LHFPL4: variants seen among roughly 807,000 people sequenced by gnomAD.
LHFPL4 encodes LHFPL tetraspan subfamily member 4.
A neutral mutation model predicts 20.0 loss-of-function variants in LHFPL4; 6 were observed. The observed-to-expected ratio is 0.30, with a 90% CI of 0.16 to 0.59. The LOEUF is 0.59. Among genes scored for constraint, LHFPL4 ranks in the 20% least tolerant of loss-of-function variants. LHFPL4 has a pLI of 0.88. For synonymous variants in LHFPL4, 129 were observed against 143.8 expected (o/e 0.90, Z 0.74); for missense variants, 215 against 331.2 (o/e 0.65, Z 2.72).
chr3:9,509,864 C>T (rs1339065117), intron 2 of LHFPL4, among the ~76,000 whole-genome samples: 2 of 152,216 alleles, frequency 1.3e-5, no homozygotes, highest in African/African-American at 4.8e-5. Flanking sequence ...GGAATGACTG[C>T]AGATAAGGCA....
chr3:9,552,375 G>T lies in LHFPL4; in HGVS notation c.305C>A (p.Ser102Tyr). Residue 102 changes from serine to tyrosine, a missense_variant, in exon 2 of 4, where the codon TCC becomes TAC. Ser to Tyr is a moderately radical substitution (Grantham distance 144). Around this residue, in one of 2 missense-constraint regions of LHFPL4, gnomAD observed 164 missense variants for 286.7 expected, o/e 0.57. Coordinates refer to ENST00000287585, the MANE Select transcript of LHFPL4 (RefSeq NM_198560.3). The stretch of plus-strand genomic sequence containing the variant: ...GATGCAGCCGAGGATCAGCACCATG[G>T]AGAGCAGCACGAAGAAGGCGGCCGC... ...FKAAAFFVLL[S>Y]MVLILGCITC... The T allele has an allele frequency of 6.2e-7, 1 of 1,614,012 alleles. No individual in the cohort carries two copies.
chr3:9,525,233 G>C (rs2046365659), intron 2 of LHFPL4, among the ~76,000 whole-genome samples: 1 of 152,200 alleles, frequency 6.6e-6, no homozygotes, highest in African/African-American at 2.4e-5. Context: ...GCTTCAGGAA[G>C]TAAAACTTAC....
At chr3:9,547,654 A>T (rs2046523959) in intron 2 of LHFPL4, among the ~76,000 whole-genome samples, 8 of 152,218 alleles carry the variant, frequency 5.3e-5, no homozygotes, top group Admixed American at 3.9e-4. Flanking sequence ...GTAAATGGGA[A>T]CAACCGGGTA....
Position 9,506,560 on chromosome 3 carries a change from T to C in LHFPL4, c.407-357A>G, listed in dbSNP as rs765113738. ...CCAACTCCCTCTCCCATCTCTCCCA[T>C]CCTCATTATTATTATTATTGTTGTC... is the stretch of plus-strand genomic sequence containing the variant. On this transcript the variant is annotated intron_variant, in intron 2 of 3. Coordinates refer to ENST00000287585, the MANE Select transcript of LHFPL4 (RefSeq NM_198560.3). This position sits in a 1 kb window ranked among gnomAD's most constrained non-coding sequence, Gnocchi z 4.5. 2.0e-5 allele frequency among the ~76,000 whole-genome samples: 3 copies of C among 152,084 alleles called. No individual in the cohort carries two copies. Among genetic ancestry groups the C allele is most frequent in the Non-Finnish European group, 2.9e-5 (2 of 68,018 alleles).
intron 2 of LHFPL4, among the ~76,000 whole-genome samples, chr3:9,530,498 G>A (rs1462761815): frequency 6.6e-6 from 1 of 152,168 alleles, no homozygotes; most frequent in Non-Finnish European, 1.5e-5. Flanking sequence ...CCTTGCTCTG[G>A]ATTAGGCTTT....
At chr3:9,507,957 C>G (rs11705757) in intron 2 of LHFPL4, among the ~76,000 whole-genome samples, 1 of 152,242 alleles carries the variant, frequency 6.6e-6, no homozygotes, top group African/African-American at 2.4e-5. Context: ...GTTACTGTAT[C>G]TGAGACCCAA....
intron 2 of LHFPL4, among the ~76,000 whole-genome samples, chr3:9,531,801 G>GAAAGAAAAGA (rs58150564): frequency 0.017 from 2,502 of 148,338 alleles, 49 homozygotes; most frequent in African/African-American, 0.038. Context: ...CTCCATCTCA[G>GAAAGAAAAGA]AAAGAAAAGA....
chr3:9,537,607 AC>A (rs555322940), intron 2 of LHFPL4, among the ~76,000 whole-genome samples: 6 of 151,976 alleles, frequency 3.9e-5, no homozygotes, highest in Non-Finnish European at 8.8e-5. Context: ...AAAGCCTCCC[AC>A]TGCTCTCTCC....
chr3:9,523,620 G>A (rs1487785826), intron 2 of LHFPL4, among the ~76,000 whole-genome samples: 2 of 151,722 alleles, frequency 1.3e-5, no homozygotes, highest in Admixed American at 6.6e-5. Flanking sequence ...TTACAGGCGT[G>A]TGCCACCATG....
At chr3:9,534,944 G>C (rs1222384135) in intron 2 of LHFPL4, among the ~76,000 whole-genome samples, 1 of 152,088 alleles carries the variant, frequency 6.6e-6, no homozygotes, top group Non-Finnish European at 1.5e-5. Context: ...AAAAGAAAGA[G>C]GGAGGGGAAG....
intron 3 of LHFPL4, among the ~76,000 whole-genome samples, chr3:9,505,558 A>G (rs964728945): frequency 2.6e-5 from 4 of 151,914 alleles, no homozygotes; most frequent in Admixed American, 6.6e-5. Context: ...GGTTCATGCC[A>G]TTCTCCTGCC....
At chr3:9,544,721 T>G (rs2046500915) in intron 2 of LHFPL4, among the ~76,000 whole-genome samples, 1 of 152,146 alleles carries the variant, frequency 6.6e-6, no homozygotes, top group Non-Finnish European at 1.5e-5. Flanking sequence ...ACTTCCCCAG[T>G]CTCAACTCTT....
chr3:9,532,719 CT>C (rs2046417926), intron 2 of LHFPL4, among the ~76,000 whole-genome samples: 1 of 152,162 alleles, frequency 6.6e-6, no homozygotes, highest in Non-Finnish European at 1.5e-5. Flanking sequence ...TCAGTTGCCC[CT>C]CTGTGCATGA....
At chr3:9,505,880 C>G in intron 3 of LHFPL4, 87 bp downstream of exon 3, 2 of 1,269,482 alleles carry the variant, frequency 1.6e-6, no homozygotes, top group Non-Finnish European at 2.3e-6. Context: ...TTCATGCAAC[C>G]CTCTTACTCC....
chr3:9,525,078 C>T, intron 2 of LHFPL4, among the ~76,000 whole-genome samples: 1 of 152,210 alleles, frequency 6.6e-6, no homozygotes, highest in East Asian at 1.9e-4. Flanking sequence ...TAGCCTCTCT[C>T]TGATAATCCC....
At chr3:9,541,399 G>C (rs1391725721) in intron 2 of LHFPL4, among the ~76,000 whole-genome samples, 3 of 152,154 alleles carry the variant, frequency 2.0e-5, no homozygotes, top group African/African-American at 7.2e-5. Context: ...AACAACCTTG[G>C]TGCTGGGAAA....
chr3:9,540,698 G>A (rs1404156555), intron 2 of LHFPL4, among the ~76,000 whole-genome samples: 1 of 151,658 alleles, frequency 6.6e-6, no homozygotes, highest in African/African-American at 2.4e-5. Context: ...GTTGAGACCA[G>A]CCTGGGCAAC....
intron 3 of LHFPL4, 37 bp from the exon 4 acceptor site, chr3:9,502,348 T>C (rs199505763): frequency 1.7e-4 from 215 of 1,298,902 alleles, no homozygotes; most frequent in Middle Eastern, 1.8e-4. Flanking sequence ...GAGAGAGAAT[T>C]AGAGAAAGTC....
intron 2 of LHFPL4, among the ~76,000 whole-genome samples, chr3:9,537,882 T>A (rs2125665064): frequency 6.6e-6 from 1 of 152,110 alleles, no homozygotes. Flanking sequence ...GCTGAGACCT[T>A]CTCCTCATCC....
Sources: gnomAD v4.1 joint callset for allele counts (sites outside exome capture counted in the v4.1 genomes callset) on GRCh38, gnomAD v4.1.1 for gene constraint, gnomAD v4.1.1 regional missense constraint, Gnocchi (gnomAD v3.1) non-coding constraint, MANE v1.5 for transcripts, NCBI Gene and HGNC (gene_info 2026-07-23, HGNC 2026-07-21) for gene names.